Variants in SYCP1 observed in about 807,000 individuals in gnomAD.
The protein encoded by SYCP1 is cancer/testis antigen 8.
SYCP1 carries 64 observed loss-of-function variants against 153.1 expected under a neutral mutation model. The ratio of observed to expected loss-of-function variants is 0.42; its 90% confidence interval spans 0.34 to 0.51. The LOEUF is 0.51. Among genes scored for constraint, SYCP1 ranks in the 20% least tolerant of loss-of-function variants. SYCP1 has a pLI of 0.06. For synonymous variants in SYCP1, 384 were observed against 341.8 expected (o/e 1.12, Z -1.36); for missense variants, 997 against 1,049.0 (o/e 0.95, Z 0.68).
Position 114,855,765 on chromosome 1 carries a change from G to C in SYCP1, c.108+193G>C, listed in dbSNP as rs192799049. On this transcript the variant is annotated intron_variant, in intron 2 of 31. Transcript: ENST00000369522. ...TGTAGGCATCATTCATTTAAATAAT[G>C]ACTGCTGCCGTAGAACTCTGCATAC... Among the ~76,000 whole-genome samples, 157 of 152,258 alleles carry C rather than the reference G, an allele frequency of 1.0e-3. 2 individuals carry two copies. Among genetic ancestry groups the C allele is most frequent in the African/African-American group, 3.7e-3 (152 of 41,532 alleles).
chr1:114,974,581 A>T (rs989057559), intron 27 of SYCP1, among the ~76,000 whole-genome samples: 11 of 151,974 alleles, frequency 7.2e-5, no homozygotes, highest in African/African-American at 2.6e-4. Context: ...GAGTGGAATC[A>T]TACAGTATTT....
intron 16 of SYCP1, among the ~76,000 whole-genome samples, chr1:114,906,051 C>T (rs1266635016): frequency 2.0e-5 from 3 of 151,962 alleles, no homozygotes; most frequent in Admixed American, 6.6e-5. Flanking sequence ...CTGCAACCTA[C>T]ACCTCCTGGG....
chr1:114,908,635 C>T (rs1487372469), intron 16 of SYCP1, among the ~76,000 whole-genome samples: 1 of 152,144 alleles, frequency 6.6e-6, no homozygotes, highest in African/African-American at 2.4e-5. Flanking sequence ...CTCCATTGTG[C>T]TCCCATGAGC....
At chr1:114,856,748 A>ACT in intron 3 of SYCP1, 91 bp downstream of exon 3, 1 of 966,956 alleles carries the variant, frequency 1.0e-6, no homozygotes, top group South Asian at 1.8e-5. Flanking sequence ...TAAGTATTAT[A>ACT]TAAGTATAAT....
chr1:114,876,045 G>A, intron 9 of SYCP1, 24 bp from the exon 10 acceptor site: 1 of 1,487,806 alleles, frequency 6.7e-7, no homozygotes. Flanking sequence ...ATTTAAGTAT[G>A]ATTCTTAAAA....
Position 114,856,624 on chromosome 1 carries a change from A to C in SYCP1, c.160A>C (p.Asn54His). Residue 54 changes from asparagine (N) to histidine (H), a missense_variant, in exon 3 of 32, where the codon AAT (asparagine) becomes CAT (histidine). Asn to His is a moderately conservative substitution (Grantham distance 68). Transcript: ENST00000369522. ...DDFEFPFAKT[N>H]LSKNGENIDS... The stretch of plus-strand genomic sequence containing the variant: ...TTTTGAGTTTCCATTTGCAAAGACT[A>C]ATCTCTCCAAAAATGGGGAAAACAT... 2 of 1,612,396 alleles carry C rather than the reference A, an allele frequency of 1.2e-6. No individual in the cohort carries two copies. The highest frequency in any genetic ancestry group is 2.2e-5 in the South Asian group (2 of 90,772).
At chr1:114,990,851 A>G (rs1305098877) in intron 30 of SYCP1, among the ~76,000 whole-genome samples, 1 of 151,988 alleles carries the variant, frequency 6.6e-6, no homozygotes, top group Admixed American at 6.6e-5. Context: ...AGTTGGCTTC[A>G]TTGATAAATT....
At position 114,946,278 on chromosome 1, in the gene SYCP1, G is replaced by T. The variant is rs1050219547; in HGVS notation, c.2155-11G>T. The T allele has an allele frequency of 4.0e-6, 6 of 1,494,060 alleles. No homozygotes were observed. The African/African-American group carries it at 8.7e-5, about 22-fold the overall frequency. 92.6% of individuals were successfully genotyped at this position (1,494,060 alleles called of 1,614,324 possible). ...TTAATATATCTAAAATGTCTTCTTT[G>T]TTTAATATAGCACCAATATGATAAG... On this transcript the variant is annotated splice_polypyrimidine_tract_variant and intron_variant, in intron 25 of 31. Transcript: ENST00000369522.
At chr1:114,938,669 C>T (rs360666) in intron 23 of SYCP1, among the ~76,000 whole-genome samples, 77,630 of 151,830 alleles carry the variant, frequency 0.51, 20,754 homozygotes, top group Middle Eastern at 0.62. Flanking sequence ...TTGTTTAGAA[C>T]TGGTATTATT....
chr1:114,926,817 A>G (rs184122899), intron 23 of SYCP1, among the ~76,000 whole-genome samples: 17 of 152,210 alleles, frequency 1.1e-4, no homozygotes, highest in African/African-American at 3.6e-4. Flanking sequence ...ATGTGCATGC[A>G]TGAGCTCTTT....
At chr1:114,931,174 C>T (rs920354522) in intron 23 of SYCP1, among the ~76,000 whole-genome samples, 3 of 152,054 alleles carry the variant, frequency 2.0e-5, no homozygotes, top group African/African-American at 7.2e-5. Context: ...AGTTAGCATC[C>T]TATTTACTGA....
chr1:114,958,806 C>T (rs1406141497), intron 27 of SYCP1, among the ~76,000 whole-genome samples: 1 of 149,220 alleles, frequency 6.7e-6, no homozygotes, highest in Non-Finnish European at 1.5e-5. Flanking sequence ...GGTGGGTGCC[C>T]GTAGTCCCAG....
intron 27 of SYCP1, among the ~76,000 whole-genome samples, chr1:114,949,754 A>G (rs1670969285): frequency 6.6e-6 from 1 of 152,126 alleles, no homozygotes; most frequent in Admixed American, 6.6e-5. Flanking sequence ...CTGTTTTTTC[A>G]GGTCTTATCT....
At chr1:114,955,089 A>G (rs564796227) in intron 27 of SYCP1, among the ~76,000 whole-genome samples, 37 of 152,210 alleles carry the variant, frequency 2.4e-4, no homozygotes, top group Middle Eastern at 3.2e-3. Context: ...GTAGTAATTT[A>G]ATTAGAGTTT....
At chr1:114,977,707 A>G in intron 28 of SYCP1, 91 bp downstream of exon 28, 1 of 780,856 alleles carries the variant, frequency 1.3e-6, no homozygotes, top group Non-Finnish European at 2.0e-6. Flanking sequence ...GTAGGAAAAT[A>G]ACATTTTACA....
intron 30 of SYCP1, among the ~76,000 whole-genome samples, chr1:114,991,323 C>T (rs1352919105): frequency 6.6e-6 from 1 of 151,772 alleles, no homozygotes; most frequent in Non-Finnish European, 1.5e-5. Context: ...CATTAATTAC[C>T]TTGATACCAA....
chr1:114,940,283 GA>G (rs1372862630), intron 23 of SYCP1, among the ~76,000 whole-genome samples: 1 of 152,034 alleles, frequency 6.6e-6, no homozygotes, highest in African/African-American at 2.4e-5. Context: ...TTTTAGTAGA[GA>G]AGGGGTTTCA....
chr1:114,985,475 C>G (rs1673438327), intron 30 of SYCP1, among the ~76,000 whole-genome samples: 3 of 151,828 alleles, frequency 2.0e-5, no homozygotes, highest in Non-Finnish European at 4.4e-5. Flanking sequence ...AGCTTAGATT[C>G]ATTTAATTTT....
intron 8 of SYCP1, among the ~76,000 whole-genome samples, chr1:114,871,694 TCCC>T (rs1665139551): frequency 6.6e-6 from 1 of 152,012 alleles, no homozygotes; most frequent in African/African-American, 2.4e-5. Context: ...TGCCTCAGCC[TCCC>T]GAGTAGCTGG....
Sources: allele counts gnomAD v4.1 joint callset (sites outside exome capture counted in the v4.1 genomes callset), GRCh38; gene constraint gnomAD v4.1.1; transcripts MANE v1.5; gene names NCBI Gene and HGNC (gene_info 2026-07-23, HGNC 2026-07-21).